Variants in CDK14 observed in about 807,000 individuals in gnomAD.
The protein encoded by CDK14 is cyclin dependent kinase 14.
Under a neutral mutation model 60.7 loss-of-function variants are expected in CDK14, and 34 were observed. The observed-to-expected ratio is 0.56, with a 90% CI of 0.43 to 0.75. CDK14 has a LOEUF of 0.75. CDK14 is among the 30% of genes least tolerant of loss of function. CDK14 has a pLI of 0.00. For synonymous variants in CDK14, 197 were observed against 203.7 expected (o/e 0.97, Z 0.28); for missense variants, 482 against 564.1 (o/e 0.85, Z 1.47).
chr7:90,639,824 C>G (rs551488289), intron 2 of CDK14, among the ~76,000 whole-genome samples: 1 of 152,142 alleles, frequency 6.6e-6, no homozygotes, highest in Non-Finnish European at 1.5e-5. Flanking sequence ...TGGGCAATGG[C>G]GGGCGCCCCT....
At chr7:90,856,869 G>A (rs1301715309) in intron 5 of CDK14, among the ~76,000 whole-genome samples, 1 of 152,058 alleles carries the variant, frequency 6.6e-6, no homozygotes, top group Non-Finnish European at 1.5e-5. Context: ...GGGTCCTTAG[G>A]TTTCATGAGT....
chr7:91,017,115 C>T (rs1347501244), intron 10 of CDK14, among the ~76,000 whole-genome samples: 2 of 152,124 alleles, frequency 1.3e-5, no homozygotes, highest in Non-Finnish European at 2.9e-5. Flanking sequence ...GTACACAGGT[C>T]TATTTTCTAT....
At chr7:91,204,387 C>T (rs1186950445) in intron 14 of CDK14, among the ~76,000 whole-genome samples, 2 of 151,334 alleles carry the variant, frequency 1.3e-5, no homozygotes, top group Non-Finnish European at 2.9e-5. Context: ...TTAGATATAA[C>T]ACCAAAAATA....
chr7:90,661,168 G>A (rs1800858558), intron 2 of CDK14, among the ~76,000 whole-genome samples: 2 of 152,164 alleles, frequency 1.3e-5, no homozygotes, highest in African/African-American at 2.4e-5. Flanking sequence ...AGAGTCCTGT[G>A]GAAATTCTTG....
At chr7:90,982,817 C>T (rs1000095019) in intron 9 of CDK14, among the ~76,000 whole-genome samples, 1 of 151,874 alleles carries the variant, frequency 6.6e-6, no homozygotes, top group Non-Finnish European at 1.5e-5. Flanking sequence ...TCTAGGTGTA[C>T]GTCACCTAGA....
chr7:90,966,419 T>C (rs1794752482), intron 9 of CDK14, among the ~76,000 whole-genome samples: 1 of 152,306 alleles, frequency 6.6e-6, no homozygotes, highest in East Asian at 1.9e-4. Flanking sequence ...AGAGCTAAAC[T>C]TCTGGTTGGG....
chr7:90,636,056 G>A (rs998757274), intron 2 of CDK14, among the ~76,000 whole-genome samples: 80 of 150,390 alleles, frequency 5.3e-4, no homozygotes, highest in African/African-American at 1.8e-3. Context: ...GGGTTTTCTA[G>A]ATATACAATC....
chr7:90,725,878 G>A (rs1177220850), intron 2 of CDK14, among the ~76,000 whole-genome samples: 1 of 152,052 alleles, frequency 6.6e-6, no homozygotes, highest in Non-Finnish European at 1.5e-5. Flanking sequence ...AGGGAAGGAG[G>A]TGGAGGTCTA....
Position 90,946,996 on chromosome 7 carries a change from A to G in CDK14, c.827-8701A>G, listed in dbSNP as rs560361142. On this transcript the variant is annotated intron_variant, in intron 8 of 14. Coordinates refer to ENST00000380050, the MANE Select transcript of CDK14 (RefSeq NM_001287135.2). ...CAAAACAAACCAACAGACAACGCAG[A>G]TAAGAGTTGTTCTCATTTCAGCAAC... Among the ~76,000 whole-genome samples, 4 of 152,312 alleles carry G rather than the reference A, an allele frequency of 2.6e-5. No homozygotes were observed. The East Asian group carries it at 7.7e-4, about 29-fold the overall frequency.
chr7:90,677,121 G>A (rs868247941), intron 2 of CDK14, among the ~76,000 whole-genome samples: 7 of 152,214 alleles, frequency 4.6e-5, no homozygotes, highest in Admixed American at 1.3e-4. Flanking sequence ...TATTTTGGAA[G>A]CAAATAACAA....
At chr7:91,057,536 T>G (rs1469358868) in intron 11 of CDK14, among the ~76,000 whole-genome samples, 2 of 152,226 alleles carry the variant, frequency 1.3e-5, no homozygotes, top group African/African-American at 4.8e-5. Flanking sequence ...TTTATGGTTT[T>G]AGGTCTAATG....
chr7:90,792,595 G>A (rs1361973483), intron 5 of CDK14, among the ~76,000 whole-genome samples: 2 of 152,064 alleles, frequency 1.3e-5, no homozygotes, highest in Non-Finnish European at 2.9e-5. Flanking sequence ...CCATGAACAA[G>A]CCCTGTTGAT....
chr7:91,041,625 A>G (rs941906657), intron 10 of CDK14, among the ~76,000 whole-genome samples: 9 of 152,240 alleles, frequency 5.9e-5, no homozygotes, highest in African/African-American at 1.9e-4. Context: ...CTTTACATTT[A>G]TGTTGCCCTC....
At chr7:90,881,908 C>T (rs992566311) in intron 6 of CDK14, among the ~76,000 whole-genome samples, 10 of 152,158 alleles carry the variant, frequency 6.6e-5, no homozygotes, top group Admixed American at 1.3e-4. Context: ...GTTACCACCA[C>T]GCGTGCCCTG....
At chr7:90,840,071 C>T (rs372212969) in intron 5 of CDK14, among the ~76,000 whole-genome samples, 15 of 152,176 alleles carry the variant, frequency 9.9e-5, no homozygotes, top group African/African-American at 3.6e-4. Context: ...CTTCAGATGA[C>T]AGGCTACATC....
At chr7:91,139,124 C>G (rs1456625998) in intron 14 of CDK14, among the ~76,000 whole-genome samples, 2 of 152,138 alleles carry the variant, frequency 1.3e-5, no homozygotes, top group East Asian at 3.9e-4. Context: ...TTTTCTTCAT[C>G]AGTGCTCCCT....
intron 1 of CDK14, among the ~76,000 whole-genome samples, chr7:90,599,376 T>TA (rs1423222054): frequency 2.0e-5 from 3 of 152,240 alleles, no homozygotes; most frequent in African/African-American, 7.2e-5. Context: ...TAGCCAGCCT[T>TA]AAAACGGAGT....
intron 14 of CDK14, among the ~76,000 whole-genome samples, chr7:91,192,694 A>G (rs1403582540): frequency 6.6e-6 from 1 of 152,214 alleles, no homozygotes; most frequent in Non-Finnish European, 1.5e-5. Context: ...GGTATTTAAT[A>G]TCAGTAGTAA....
At chr7:90,893,736 G>C (rs533613305) in intron 6 of CDK14, among the ~76,000 whole-genome samples, 1 of 152,284 alleles carries the variant, frequency 6.6e-6, no homozygotes, top group South Asian at 2.1e-4. Context: ...AAAACAAACT[G>C]TTTTTAGTTT....
Sources: allele counts gnomAD v4.1 joint callset (sites outside exome capture counted in the v4.1 genomes callset), GRCh38; gene constraint gnomAD v4.1.1; transcripts MANE v1.5; gene names NCBI Gene and HGNC (gene_info 2026-07-23, HGNC 2026-07-21).